The following RTN1 variants were observed in gnomAD, a reference collection of about 807,000 sequenced individuals.
RTN1 encodes reticulon 1.
A neutral mutation model predicts 65.5 loss-of-function variants in RTN1; 25 were observed. The ratio of observed to expected loss-of-function variants is 0.38; its 90% CI spans 0.28 to 0.53. RTN1 has a LOEUF of 0.53. Ranked by LOEUF, RTN1 falls within the 20% of genes least tolerant of loss-of-function variation. RTN1 has a pLI of 0.79. For synonymous variants in RTN1, 471 were observed against 447.6 expected (o/e 1.05, Z -0.66); for missense variants, 983 against 1,025.4 (o/e 0.96, Z 0.57).
At chr14:59,704,133 G>T (rs1189258980) in intron 3 of RTN1, among the ~76,000 whole-genome samples, 1 of 152,102 alleles carries the variant, frequency 6.6e-6, no homozygotes, top group Non-Finnish European at 1.5e-5. Flanking sequence ...AGATCCCACT[G>T]AGAGTCTGAT....
At position 59,849,677 on chromosome 14, in the gene RTN1, G is replaced by C. The variant is rs1210965041; in HGVS notation, c.241+20713C>G. 6.6e-6 allele frequency among the ~76,000 whole-genome samples: 1 copy of C among 152,118 alleles called. No individual in the cohort carries two copies. Among genetic ancestry groups the C allele is most frequent in the African/African-American group, 2.4e-5 (1 of 41,416 alleles). The stretch of plus-strand genomic sequence containing the variant: ...TGGCTCCTACTCCTGAGCCCCAGTG[G>C]CCTGCTGGAGTCACCCCACTTATAG... On this transcript the variant is annotated intron_variant, in intron 1 of 8. Transcript: ENST00000267484. The surrounding 1 kb of genome is among the most constrained non-coding windows in gnomAD (Gnocchi z 4.5).
intron 1 of RTN1, among the ~76,000 whole-genome samples, chr14:59,770,615 C>T (rs1019920654): frequency 6.6e-6 from 1 of 151,888 alleles, no homozygotes; most frequent in Non-Finnish European, 1.5e-5. Context: ...CGTATTTTTG[C>T]ATTGTTTATT....
chr14:59,804,529 A>C (rs1220450738), intron 1 of RTN1, among the ~76,000 whole-genome samples: 3 of 152,160 alleles, frequency 2.0e-5, no homozygotes, highest in African/African-American at 2.4e-5. Context: ...TTGGCTCATA[A>C]TTTATTTTAA....
At chr14:59,807,495 C>T (rs1003983033) in intron 1 of RTN1, among the ~76,000 whole-genome samples, 5 of 152,156 alleles carry the variant, frequency 3.3e-5, no homozygotes, top group African/African-American at 7.2e-5. Flanking sequence ...CACATCAGTG[C>T]CATTCAAGGG....
At chr14:59,672,385 CA>C (rs914819834) in intron 3 of RTN1, among the ~76,000 whole-genome samples, 13 of 152,024 alleles carry the variant, frequency 8.6e-5, no homozygotes, top group Admixed American at 7.9e-4. Flanking sequence ...TGCAGGATCT[CA>C]AAAAATGTTA....
chr14:59,866,020 T>C (rs1887791904), intron 1 of RTN1, among the ~76,000 whole-genome samples: 1 of 152,156 alleles, frequency 6.6e-6, no homozygotes, highest in Non-Finnish European at 1.5e-5. Context: ...CCTGTGTTGA[T>C]CTCAGAAAAC....
intron 1 of RTN1, among the ~76,000 whole-genome samples, chr14:59,862,497 T>C (rs1887728660): frequency 6.6e-6 from 1 of 152,188 alleles, no homozygotes; most frequent in South Asian, 2.1e-4. Flanking sequence ...TCTCTTATCC[T>C]TTCATCTCCC....
At chr14:59,674,033 CA>C (rs1202252281) in intron 3 of RTN1, among the ~76,000 whole-genome samples, 1 of 152,124 alleles carries the variant, frequency 6.6e-6, no homozygotes, top group Non-Finnish European at 1.5e-5. Context: ...AGATATTGAG[CA>C]GTTTCAATGC....
chr14:59,708,271 G>A (rs186431759), intron 3 of RTN1, among the ~76,000 whole-genome samples: 33 of 152,340 alleles, frequency 2.2e-4, no homozygotes, highest in Non-Finnish European at 2.9e-4. Context: ...GTGGTAAAGC[G>A]TGAAAGTCTG....
At chr14:59,614,518 C>T (rs61387879) in intron 3 of RTN1, among the ~76,000 whole-genome samples, 4,227 of 152,158 alleles carry the variant, frequency 0.028, 119 homozygotes, top group African/African-American at 0.068. Flanking sequence ...GTTTTGTTCA[C>T]GTGACTTTAG....
chr14:59,810,509 C>T (rs1386214975), intron 1 of RTN1, among the ~76,000 whole-genome samples: 2 of 152,146 alleles, frequency 1.3e-5, no homozygotes, highest in African/African-American at 4.8e-5. Flanking sequence ...TAATTGTTAG[C>T]TTGCAGGAAG....
chr14:59,657,821 T>A (rs1360806322), intron 3 of RTN1, among the ~76,000 whole-genome samples: 2 of 151,682 alleles, frequency 1.3e-5, no homozygotes, highest in East Asian at 3.9e-4. Flanking sequence ...GGACAGCCAT[T>A]TGGGCAGACA....
At chr14:59,840,067 C>G (rs1887284466) in intron 1 of RTN1, among the ~76,000 whole-genome samples, 1 of 152,078 alleles carries the variant, frequency 6.6e-6, no homozygotes, top group Non-Finnish European at 1.5e-5. Context: ...GCTTTCAGAG[C>G]CCATCATATG....
chr14:59,770,093 A>C (rs1356921640), intron 1 of RTN1, among the ~76,000 whole-genome samples: 1 of 152,044 alleles, frequency 6.6e-6, no homozygotes, highest in Non-Finnish European at 1.5e-5. Context: ...CATAGAACTT[A>C]GGGGCCAGGC....
At chr14:59,864,524 C>T (rs1222811713) in intron 1 of RTN1, among the ~76,000 whole-genome samples, 1 of 151,508 alleles carries the variant, frequency 6.6e-6, no homozygotes, top group Admixed American at 6.6e-5. Context: ...TGTTGCCCTT[C>T]CTTACTCTCT....
At chr14:59,834,770 C>A (rs1196315153) in intron 1 of RTN1, among the ~76,000 whole-genome samples, 3 of 152,100 alleles carry the variant, frequency 2.0e-5, no homozygotes, top group Non-Finnish European at 4.4e-5. Flanking sequence ...AAATGATGAT[C>A]CATTAGGGAA....
At chr14:59,759,148 G>A (rs545488863) in intron 1 of RTN1, among the ~76,000 whole-genome samples, 39 of 152,302 alleles carry the variant, frequency 2.6e-4, no homozygotes, top group African/African-American at 9.4e-4. Flanking sequence ...AAAGAAGAAG[G>A]ATTGGAAGAG....
In RTN1 at chr14:59,746,163, T is replaced by A. The variant is rs531079607; in HGVS notation, c.560A>T (p.Asp187Val). ...TTTATAGGCCTCTGCTTTCATCTGGTCCAGAGGGTCTGCTAAGATCTTGTT... is the reference window on the plus strand; with the variant it reads ...TTTATAGGCCTCTGCTTTCATCTGGACCAGAGGGTCTGCTAAGATCTTGTT... Reference protein sequence around the residue: ...EVNKILADPLDQMKAEAYKYI... With the variant: ...EVNKILADPLVQMKAEAYKYI... The change falls in exon 2 of 9, where the codon GAC (aspartate) becomes GTC (valine). Residue 187 changes from aspartate to valine, a missense_variant. Coordinates refer to ENST00000267484, the MANE Select transcript of RTN1 (RefSeq NM_021136.3). 1.1e-5 allele frequency: 17 copies of A among 1,606,904 alleles called. 1 individual carries two copies. The highest frequency in any genetic ancestry group is 8.0e-5 in the African/African-American group (6 of 74,564).
intron 3 of RTN1, among the ~76,000 whole-genome samples, chr14:59,677,408 G>GTAATAAAAA (rs1883649606): frequency 6.6e-6 from 1 of 152,120 alleles, no homozygotes; most frequent in African/African-American, 2.4e-5. Flanking sequence ...TTATAATCTG[G>GTAATAAAAA]TAATAAAAAT....
Sources: gnomAD v4.1 joint callset for allele counts (sites outside exome capture counted in the v4.1 genomes callset) on GRCh38, gnomAD v4.1.1 for gene constraint, Gnocchi (gnomAD v3.1) non-coding constraint, MANE v1.5 for transcripts, NCBI Gene and HGNC (gene_info 2026-07-23, HGNC 2026-07-21) for gene names.